PLEKHS1: variants seen among roughly 807,000 people sequenced by gnomAD.
The protein encoded by PLEKHS1 is pleckstrin homology domain-containing family S member 1.
A neutral mutation model predicts 51.0 loss-of-function variants in PLEKHS1; 55 were observed. The ratio of observed to expected loss-of-function variants is 1.08; its 90% confidence interval spans 0.87 to 1.35. The LOEUF is 1.35. PLEKHS1 is among the 40% of genes most tolerant of loss of function. The probability of loss-of-function intolerance (pLI) is 0.00; values close to 1 mark genes in which losing one functional copy is unlikely to be tolerated. For synonymous variants in PLEKHS1, 153 were observed against 144.8 expected (o/e 1.06, Z -0.41); for missense variants, 398 against 423.0 (o/e 0.94, Z 0.52).
chr10:113,765,146 C>A lies in PLEKHS1; in HGVS notation c.29-1265C>A, dbSNP rs576732166. 1.2e-5 allele frequency: 5 copies of A among 413,818 alleles called. No individual in the cohort carries two copies. The East Asian group carries it at 1.8e-4, about 15-fold the overall frequency. 25.6% of individuals were successfully genotyped at this position (413,818 alleles called of 1,614,324 possible). On this transcript the variant is annotated intron_variant, in intron 2 of 11. Coordinates refer to ENST00000361048, the Ensembl canonical transcript of PLEKHS1. ...TGACTGCCAAACATCGCAAATTTTA[C>A]CTTGTTGTTTCCTGAATATCTTTGT... is the stretch of plus-strand genomic sequence containing the variant.
chr10:113,778,114 G>T (rs956124425), intron 11 of PLEKHS1: 1 of 161,914 alleles, frequency 6.2e-6, no homozygotes, highest in African/African-American at 2.4e-5. Flanking sequence ...TCCTTCCCTG[G>T]TCTACTTTTC....
At position 113,772,094 on chromosome 10, in the gene PLEKHS1, C is replaced by T; in HGVS notation, c.672+5C>T. On this transcript the variant is annotated splice_donor_5th_base_variant and intron_variant, in intron 8 of 11. Transcript: ENST00000361048. ...CCTCGAAGTGTTCTTTTAGAGGTAA[C>T]CCCTTCTTGTCCATTCATCATTTGT... The T allele has an allele frequency of 1.2e-6, 2 of 1,610,960 alleles. No individual in the cohort carries two copies. Among genetic ancestry groups the T allele is most frequent in the Non-Finnish European group, 1.7e-6 (2 of 1,179,432 alleles).
At chr10:113,777,479 G>C in intron 11 of PLEKHS1, 1 of 1,591,604 alleles carries the variant, frequency 6.3e-7, no homozygotes, top group Non-Finnish European at 8.6e-7. Context: ...CAGAGCACCT[G>C]GGTTCAGGAC....
At chr10:113,766,479 T>C in exon 3 of PLEKHS1, 3 of 1,602,936 alleles carry the variant, frequency 1.9e-6, no homozygotes, top group Non-Finnish European at 2.6e-6. Flanking sequence ...ATCACCACCT[T>C]CTCAGCTGTT....
At chr10:113,770,059 A>G (rs1399468687) in intron 7 of PLEKHS1, among the ~76,000 whole-genome samples, 159 bp downstream of exon 7, 3 of 152,234 alleles carry the variant, frequency 2.0e-5, no homozygotes, top group Non-Finnish European at 4.4e-5. Context: ...CCCATACCAC[A>G]GATGAGCCTC....
chr10:113,766,689 T>A lies in PLEKHS1; in HGVS notation c.195T>A (p.His65Gln), dbSNP rs372022414. Reference sequence around the variant, plus strand: ...TTAGTCTTTCCTATTATAAAGACCATCATCACCGAGGTTCCATTGAAATTG... The same window carrying A: ...TTAGTCTTTCCTATTATAAAGACCAACATCACCGAGGTTCCATTGAAATTG... Residue 65 changes from histidine to glutamine, a missense_variant, in exon 4 of 12, where the codon CAT becomes CAA. Physicochemically the swap from His to Gln is conservative, Grantham distance 24 (BLOSUM62 0). Coordinates refer to ENST00000361048, the Ensembl canonical transcript of PLEKHS1. The A allele has an allele frequency of 9.3e-6, 15 of 1,611,562 alleles. No individual in the cohort carries two copies. The African/African-American group carries it at 2.0e-4, about 22-fold the overall frequency.
chr10:113,769,796 T>C (rs141750023), exon 7 of PLEKHS1: 32 of 1,611,898 alleles, frequency 2.0e-5, no homozygotes, highest in African/African-American at 1.5e-4. Context: ...GGAACTCTCA[T>C]TGGGTAATAA....
At chr10:113,758,195 A>G (rs1401596489) in intron 2 of PLEKHS1, among the ~76,000 whole-genome samples, 1 of 152,212 alleles carries the variant, frequency 6.6e-6, no homozygotes, top group East Asian at 1.9e-4. Context: ...GAAGGTTTTC[A>G]ATTAACTTTG....
intron 3 of PLEKHS1, 54 bp from the exon 4 acceptor site, chr10:113,766,557 AT>A: frequency 6.3e-7 from 1 of 1,589,684 alleles, no homozygotes; most frequent in Non-Finnish European, 8.6e-7. Flanking sequence ...ATTTTTAAAA[AT>A]CATTTCTTTT....
At chr10:113,771,567 C>A (rs908707863) in intron 7 of PLEKHS1, among the ~76,000 whole-genome samples, 3 of 150,268 alleles carry the variant, frequency 2.0e-5, no homozygotes, top group African/African-American at 7.4e-5. Context: ...CCCAGCTACT[C>A]AGGAGGCTGA....
rs1395565577 is a variant in PLEKHS1, at chr10:113,777,113, T to C, written c.1091+1247T>C. The C allele has an allele frequency of 1.9e-6, 3 of 1,611,970 alleles. No individual in the cohort carries two copies. The African/African-American group carries it at 4.0e-5, about 22-fold the overall frequency. ...CTCACACTGGTATTGGATGTTGTAT[T>C]CCCACTGCAGTGTGTCTCAGTGGGA... is the stretch of plus-strand genomic sequence containing the variant. On this transcript the variant is annotated intron_variant, in intron 11 of 11. Coordinates refer to ENST00000361048, the Ensembl canonical transcript of PLEKHS1.
rs116186235 is a variant in PLEKHS1 at position 113,775,045 on chromosome 10, T to C, written c.989+10T>C. ...TGTCTATATTAATCAAGTAAAGCTC[T>C]AATTTCTAAAACTTGATGGGCCCTA... On this transcript the variant is annotated intron_variant, in intron 10 of 11. Transcript: ENST00000361048. 1.8e-3 allele frequency: 2,971 copies of C among 1,611,518 alleles called. 39 individuals are homozygous for C. The African/African-American group carries it at 0.025, about 13-fold the overall frequency.
At chr10:113,757,046 G>A (rs1854153369) in intron 2 of PLEKHS1, among the ~76,000 whole-genome samples, 1 of 150,798 alleles carries the variant, frequency 6.6e-6, no homozygotes, top group African/African-American at 2.4e-5. Flanking sequence ...CTCCCGAGTA[G>A]CTAGGAGGCG....
intron 11 of PLEKHS1, among the ~76,000 whole-genome samples, 190 bp downstream of exon 11, chr10:113,776,056 C>T (rs976981977): frequency 1.2e-4 from 18 of 152,180 alleles, no homozygotes; most frequent in African/African-American, 4.1e-4. Context: ...GCAGAAAAGT[C>T]AGCCTGGAGG....
At chr10:113,758,708 A>G (rs968243938) in intron 2 of PLEKHS1, among the ~76,000 whole-genome samples, 1 of 152,194 alleles carries the variant, frequency 6.6e-6, no homozygotes, top group Non-Finnish European at 1.5e-5. Context: ...GTCTCATTGA[A>G]TAGGGAGGTC....
At chr10:113,778,643 CTTTT>C (rs55821501) in intron 11 of PLEKHS1, among the ~76,000 whole-genome samples, 17 of 127,110 alleles carry the variant, frequency 1.3e-4, no homozygotes, top group African/African-American at 4.0e-4. Flanking sequence ...CGTTCACTTT[CTTTT>C]TTTTTTTTTT....
In PLEKHS1 at chr10:113,763,063, G is replaced by A. The variant is rs368346459; in HGVS notation, c.29-3348G>A. ...GGGATATTGAAATCTCTATAATTGCGGATGTGTCCATTTATTCATGCAGTT... is the reference window on the plus strand; with the variant it reads ...GGGATATTGAAATCTCTATAATTGCAGATGTGTCCATTTATTCATGCAGTT... On this transcript the variant is annotated intron_variant, in intron 2 of 11. Coordinates refer to ENST00000361048, the Ensembl canonical transcript of PLEKHS1. Among the ~76,000 whole-genome samples the A allele has an allele frequency of 9.9e-5, 15 of 152,088 alleles. 1 individual carries two copies. In the South Asian group the frequency reaches 1.0e-3, roughly 11 times the overall value.
At chr10:113,775,664 A>G in intron 10 of PLEKHS1, 101 bp from the exon 11 acceptor site, 1 of 686,944 alleles carries the variant, frequency 1.5e-6, no homozygotes, top group Non-Finnish European at 2.5e-6. Flanking sequence ...TTACCTGGAC[A>G]ATGTCATCTC....
chr10:113,775,240 G>A (rs775090430), intron 10 of PLEKHS1, among the ~76,000 whole-genome samples: 11 of 151,974 alleles, frequency 7.2e-5, no homozygotes, highest in Admixed American at 6.6e-5. Context: ...TTCCTGGGGC[G>A]GGGGGTGGCA....
Sources: gnomAD v4.1 joint callset for allele counts (sites outside exome capture counted in the v4.1 genomes callset) on GRCh38, gnomAD v4.1.1 for gene constraint, MANE v1.5 for transcripts, NCBI Gene and HGNC (gene_info 2026-07-23, HGNC 2026-07-21) for gene names.